DAB1: variants seen among roughly 807,000 people sequenced by gnomAD.
DAB1 encodes disabled homolog 1.
Under a neutral mutation model 64.6 loss-of-function variants are expected in DAB1, and 15 were observed. The observed-to-expected ratio is 0.23, with a 90% CI of 0.16 to 0.36. The LOEUF is 0.36. DAB1 is among the 10% of genes least tolerant of loss of function. DAB1 has a pLI of 1.00. For missense variants in DAB1, 596 were observed against 706.7 expected, an observed-to-expected ratio of 0.84 and a Z score of 1.78; for synonymous variants, 235 against 251.9, an observed-to-expected ratio of 0.93 and a Z score of 0.64.
chr1:58,148,760 C>A (rs1570417389), intron 5 of DAB1, among the ~76,000 whole-genome samples: 1 of 141,106 alleles, frequency 7.1e-6, no homozygotes, highest in East Asian at 2.1e-4. Context: ...ATCATGAGAG[C>A]AGCACAGAAA....
chr1:57,800,173 T>C (rs1255712656), intron 6 of DAB1, among the ~76,000 whole-genome samples: 2 of 152,204 alleles, frequency 1.3e-5, no homozygotes, highest in African/African-American at 4.8e-5. Flanking sequence ...TTTGAAATCC[T>C]ACCAATGGAC....
chr1:57,585,636 C>G (rs1052375394), intron 7 of DAB1, among the ~76,000 whole-genome samples: 4 of 152,104 alleles, frequency 2.6e-5, no homozygotes, highest in East Asian at 1.9e-4. Flanking sequence ...CTTTCTACCC[C>G]CTTAGGCATT....
chr1:57,809,958 T>C (rs998017956), intron 6 of DAB1, among the ~76,000 whole-genome samples: 2 of 152,126 alleles, frequency 1.3e-5, no homozygotes, highest in Admixed American at 6.6e-5. Flanking sequence ...AAAGTGTTAT[T>C]AGGGCTTTCC....
intron 7 of DAB1, among the ~76,000 whole-genome samples, chr1:57,441,261 T>C (rs1389083450): frequency 1.9e-5 from 1 of 51,998 alleles, no homozygotes; most frequent in Admixed American, 3.5e-4. Flanking sequence ...TTTCTTTTCT[T>C]TTCTTTCTTT....
intron 2 of DAB1, among the ~76,000 whole-genome samples, chr1:57,282,683 A>G (rs1672010637): frequency 6.6e-6 from 1 of 152,108 alleles, no homozygotes; most frequent in South Asian, 2.1e-4. Context: ...GTCTTACCAT[A>G]AAGAAGTAAA....
At chr1:57,222,972 C>T (rs1447137144) in intron 2 of DAB1, among the ~76,000 whole-genome samples, 2 of 152,168 alleles carry the variant, frequency 1.3e-5, no homozygotes, top group Non-Finnish European at 2.9e-5. Flanking sequence ...CATCACACGC[C>T]TCCTGGGTCA....
chr1:58,497,317 T>C (rs1237932288), intron 3 of DAB1, among the ~76,000 whole-genome samples: 1 of 152,140 alleles, frequency 6.6e-6, no homozygotes, highest in African/African-American at 2.4e-5. Flanking sequence ...TGAAGTATCC[T>C]AATTTAAACA....
intron 5 of DAB1, among the ~76,000 whole-genome samples, chr1:58,117,395 T>C (rs1176876998): frequency 6.6e-6 from 1 of 152,192 alleles, no homozygotes; most frequent in East Asian, 1.9e-4. Context: ...TTAAGTGATA[T>C]GATATGGTTG....
intron 2 of DAB1, among the ~76,000 whole-genome samples, chr1:58,506,871 C>T (rs1645997926): frequency 6.6e-6 from 1 of 151,932 alleles, no homozygotes; most frequent in African/African-American, 2.4e-5. Context: ...AAACACAATA[C>T]CTTATAAAAG....
At chr1:57,295,530 C>G (rs1313336543) in intron 1 of DAB1, among the ~76,000 whole-genome samples, 1 of 152,104 alleles carries the variant, frequency 6.6e-6, no homozygotes, top group African/African-American at 2.4e-5. Context: ...AGACAAGAAG[C>G]CTCAGTTTCC....
chr1:58,425,790 T>C (rs1425892854), intron 3 of DAB1, among the ~76,000 whole-genome samples: 1 of 151,964 alleles, frequency 6.6e-6, no homozygotes, highest in Non-Finnish European at 1.5e-5. Flanking sequence ...CAGTCAAACA[T>C]GGCAGAGTTC....
chr1:57,232,634 T>C (rs1422045963), intron 2 of DAB1, among the ~76,000 whole-genome samples: 3 of 152,052 alleles, frequency 2.0e-5, no homozygotes, highest in Non-Finnish European at 2.9e-5. Flanking sequence ...AGCTAGTAAA[T>C]GGTAATTTCC....
chr1:58,506,208 G>GTAATTTA (rs1399628524), exon 3 of DAB1: 1 of 863,946 alleles, frequency 1.2e-6, no homozygotes, highest in Admixed American at 1.7e-5. Flanking sequence ...GTCTGCACAA[G>GTAATTTA]CCTAAAACCA....
At chr1:57,423,036 G>T (rs1408404140) in intron 1 of DAB1, among the ~76,000 whole-genome samples, 1 of 151,590 alleles carries the variant, frequency 6.6e-6, no homozygotes, top group Non-Finnish European at 1.5e-5. Flanking sequence ...CCTTTCAGAC[G>T]CCGCGACACG....
intron 1 of DAB1, among the ~76,000 whole-genome samples, chr1:57,411,492 G>A (rs549296136): frequency 1.8e-4 from 28 of 152,370 alleles, no homozygotes; most frequent in Admixed American, 2.6e-4. Context: ...CCAGAGTAGT[G>A]TGTCAGCAGC....
Position 58,430,541 on chromosome 1 carries a change from G to A in DAB1, n.257+75519C>T, listed in dbSNP as rs552089319. Among the ~76,000 whole-genome samples the A allele has an allele frequency of 2.8e-4, 42 of 152,326 alleles. No homozygotes were observed. In the South Asian group the frequency reaches 5.0e-3, roughly 18 times the overall value. The stretch of plus-strand genomic sequence containing the variant: ...AGTGCCCTGGGGCAGTGTAAAGTCA[G>A]GAGGCTCTGGGAAACCCTCTTCTCC... On this transcript the variant is annotated intron_variant and non_coding_transcript_variant, in intron 3 of 20. Transcript: ENST00000485760.
At chr1:57,097,842 A>G (rs1654308937) in intron 4 of DAB1, among the ~76,000 whole-genome samples, 1 of 151,808 alleles carries the variant, frequency 6.6e-6, no homozygotes, top group Admixed American at 6.6e-5. Context: ...CAGTGGTGCA[A>G]TCTCAGCTCA....
chr1:57,324,092 C>T (rs998740662), intron 1 of DAB1, among the ~76,000 whole-genome samples: 4 of 152,150 alleles, frequency 2.6e-5, no homozygotes, highest in Non-Finnish European at 5.9e-5. Context: ...ATAGTCAGAC[C>T]TGGTTAATGT....
Position 58,455,477 on chromosome 1 carries a change from G to A in DAB1, n.257+50583C>T, listed in dbSNP as rs115237066. ...TGCAGGCACTGGCCATTGGAACTTGGCAGAATTGGAAATGAAGTGATCAGG... is the reference window on the plus strand; with the variant it reads ...TGCAGGCACTGGCCATTGGAACTTGACAGAATTGGAAATGAAGTGATCAGG... On this transcript the variant is annotated intron_variant and non_coding_transcript_variant, in intron 3 of 20. Transcript: ENST00000485760. 7.4e-3 allele frequency among the ~76,000 whole-genome samples: 1,131 copies of A among 152,374 alleles called. 13 individuals carry two copies. Among genetic ancestry groups the A allele is most frequent in the African/African-American group, 0.025 (1,050 of 41,590 alleles).
Sources: gnomAD v4.1 joint callset for allele counts (sites outside exome capture counted in the v4.1 genomes callset) on GRCh38, gnomAD v4.1.1 for gene constraint, MANE v1.5 for transcripts, NCBI Gene and HGNC (gene_info 2026-07-23, HGNC 2026-07-21) for gene names.